Variants in RIMS2 observed in about 807,000 individuals in gnomAD.
RIMS2 encodes the protein regulating synaptic membrane exocytosis 2, also known as regulating synaptic membrane exocytosis protein 2.
RIMS2 carries 59 observed loss-of-function variants against 174.4 expected under a neutral mutation model. The ratio of observed to expected loss-of-function variants is 0.34; its 90% confidence interval spans 0.27 to 0.42. The LOEUF (loss-of-function observed/expected upper bound fraction) is 0.42, where lower values mean the gene tolerates loss of function less well. Ranked by LOEUF, RIMS2 falls within the 10% of genes least tolerant of loss-of-function variation. The pLI, the probability that RIMS2 is intolerant of heterozygous loss-of-function variation, is 1.00. For missense variants in RIMS2, 1,620 were observed against 1,666.3 expected, an observed-to-expected ratio of 0.97 and a Z score of 0.48; for synonymous variants, 606 against 572.5, an observed-to-expected ratio of 1.06 and a Z score of -0.84.
At chr8:104,094,472 C>G in intron 19 of RIMS2, 1 of 576,598 alleles carries the variant, frequency 1.7e-6, no homozygotes. Context: ...CTGTTGCTTT[C>G]AAAAGACCAA....
At chr8:103,590,624 C>T (rs79287673) in intron 1 of RIMS2, among the ~76,000 whole-genome samples, 975 of 91,720 alleles carry the variant, frequency 0.011, 11 homozygotes, top group African/African-American at 0.037. Flanking sequence ...CCATCTATTC[C>T]TTTATACATT....
At chr8:103,825,624 T>C (rs1171959775) in intron 3 of RIMS2, among the ~76,000 whole-genome samples, 2 of 152,092 alleles carry the variant, frequency 1.3e-5, no homozygotes, top group Non-Finnish European at 2.9e-5. Context: ...TATTGTGGCA[T>C]GTGTGAGTAG....
At chr8:103,820,435 G>A (rs2098744949) in intron 3 of RIMS2, among the ~76,000 whole-genome samples, 1 of 151,878 alleles carries the variant, frequency 6.6e-6, no homozygotes. Context: ...TGTGAACATG[G>A]CAATGCACTG....
chr8:103,742,234 A>G (rs1043532371), intron 2 of RIMS2, among the ~76,000 whole-genome samples: 2 of 152,086 alleles, frequency 1.3e-5, no homozygotes, highest in Admixed American at 6.6e-5. Flanking sequence ...GAAGATCCTT[A>G]TATATTTAGC....
intron 1 of RIMS2, among the ~76,000 whole-genome samples, chr8:103,630,439 A>C (rs1234514903): frequency 6.6e-6 from 1 of 152,084 alleles, no homozygotes; most frequent in African/African-American, 2.4e-5. Flanking sequence ...GCTTACTCTA[A>C]AAGAATGAAT....
chr8:103,906,725 A>T (rs898364605), intron 4 of RIMS2, among the ~76,000 whole-genome samples: 2 of 150,548 alleles, frequency 1.3e-5, no homozygotes, highest in African/African-American at 2.4e-5. Context: ...CAAACCAGTT[A>T]AGAATTTTTA....
intron 19 of RIMS2, among the ~76,000 whole-genome samples, chr8:104,057,953 TA>T (rs2096903519): frequency 6.6e-6 from 1 of 152,196 alleles, no homozygotes; most frequent in Non-Finnish European, 1.5e-5. Context: ...CACATTTTTT[TA>T]ATCCAGTCTA....
chr8:103,829,086 G>GTTTTTTTTTTTTTTTTTTTTTTTTT (rs34072454), intron 3 of RIMS2, among the ~76,000 whole-genome samples: 1 of 134,624 alleles, frequency 7.4e-6, no homozygotes, highest in African/African-American at 2.8e-5. Context: ...TTAATAATAG[G>GTTTTTTTTTTTTTTTTTTTTTTTTT]TTTTTTTTTT....
At chr8:104,091,286 A>G (rs2097651926) in intron 19 of RIMS2, among the ~76,000 whole-genome samples, 1 of 151,788 alleles carries the variant, frequency 6.6e-6, no homozygotes, top group South Asian at 2.1e-4. Context: ...ATGATATAAT[A>G]ATCCCATGAG....
intron 1 of RIMS2, among the ~76,000 whole-genome samples, chr8:103,617,592 A>C (rs1184563686): frequency 6.6e-6 from 1 of 152,200 alleles, no homozygotes; most frequent in Non-Finnish European, 1.5e-5. Context: ...ATGGGAGAAA[A>C]TATTTGCAGA....
intron 19 of RIMS2, among the ~76,000 whole-genome samples, chr8:104,056,403 T>TA (rs34404639): frequency 0.17 from 24,931 of 144,812 alleles, 2,141 homozygotes; most frequent in Non-Finnish European, 0.2. Context: ...GACTCCATCT[T>TA]AAAAAAAAAA....
At chr8:103,512,699 A>G (rs1827127297) in intron 1 of RIMS2, among the ~76,000 whole-genome samples, 1 of 152,168 alleles carries the variant, frequency 6.6e-6, no homozygotes, top group Non-Finnish European at 1.5e-5. Context: ...TTGTTGAAAA[A>G]TATAACTATC....
chr8:103,745,958 T>C (rs1017334341), intron 2 of RIMS2, among the ~76,000 whole-genome samples: 3 of 152,182 alleles, frequency 2.0e-5, no homozygotes, highest in Middle Eastern at 3.2e-3. Context: ...TTTGATGAAG[T>C]CCAATTTATC....
chr8:103,762,102 A>G (rs558010603), intron 2 of RIMS2, among the ~76,000 whole-genome samples: 2 of 148,974 alleles, frequency 1.3e-5, no homozygotes, highest in South Asian at 4.3e-4. Context: ...AGATATTTGT[A>G]TTTTCCTTAG....
rs543289705 is a variant in RIMS2 at position 103,826,095 on chromosome 8, A to C, written c.699-59203A>C. On this transcript the variant is annotated intron_variant, in intron 3 of 23. Transcript: ENST00000504942. ...TTTGTAAAGTGTCCAATATTTTTTAAATTAGGTTGTGTTTTTATTAAATTC... is the reference window on the plus strand; with the variant it reads ...TTTGTAAAGTGTCCAATATTTTTTACATTAGGTTGTGTTTTTATTAAATTC... 2.2e-4 allele frequency among the ~76,000 whole-genome samples: 34 copies of C among 152,112 alleles called. No individual in the cohort carries two copies. In the South Asian group the frequency reaches 5.2e-3, roughly 23 times the overall value.
At chr8:104,054,605 T>C (rs2096839460) in intron 19 of RIMS2, among the ~76,000 whole-genome samples, 1 of 152,156 alleles carries the variant, frequency 6.6e-6, no homozygotes, top group Admixed American at 6.5e-5. Flanking sequence ...TTTATCTTAA[T>C]TCATAACCCA....
intron 1 of RIMS2, among the ~76,000 whole-genome samples, chr8:103,641,100 C>G (rs1268130715): frequency 1.3e-5 from 2 of 151,984 alleles, no homozygotes; most frequent in Non-Finnish European, 2.9e-5. Flanking sequence ...TTATGAAATA[C>G]TTTGATTTTT....
intron 1 of RIMS2, among the ~76,000 whole-genome samples, chr8:103,626,740 C>T (rs551124273): frequency 6.6e-5 from 10 of 151,792 alleles, no homozygotes; most frequent in South Asian, 6.3e-4. Context: ...GCTGGGCCTC[C>T]GGGGGTGTCA....
intron 19 of RIMS2, among the ~76,000 whole-genome samples, chr8:104,090,937 G>T (rs554823471): frequency 6.6e-6 from 1 of 151,878 alleles, no homozygotes; most frequent in South Asian, 2.1e-4. Context: ...ACATAAGCCA[G>T]TCTTTGGCTA....
Sources: gnomAD v4.1 joint callset for allele counts (sites outside exome capture counted in the v4.1 genomes callset) on GRCh38, gnomAD v4.1.1 for gene constraint, MANE v1.5 for transcripts, NCBI Gene and HGNC (gene_info 2026-07-23, HGNC 2026-07-21) for gene names.